The following NDE1 variants were observed in gnomAD, a reference collection of about 807,000 sequenced individuals.
The protein encoded by NDE1 is nudE neurodevelopment protein 1.
Under a neutral mutation model 43.4 loss-of-function variants are expected in NDE1, and 28 were observed. That is an observed-to-expected ratio of 0.65 (90% confidence interval 0.48 to 0.89). The LOEUF (loss-of-function observed/expected upper bound fraction) is 0.89, where lower values mean the gene tolerates loss of function less well. Among genes scored for constraint, NDE1 ranks in the 40% least tolerant of loss-of-function variants. NDE1 has a pLI of 0.00. For synonymous variants in NDE1, 184 were observed against 172.0 expected, an observed-to-expected ratio of 1.07 and a Z score of -0.55; for missense variants, 441 against 434.1, an observed-to-expected ratio of 1.02 and a Z score of -0.14.
At chr16:15,646,303 G>A (rs560930587), upstream of NDE1, among the ~76,000 whole-genome samples, 5 of 152,320 alleles carry the variant, frequency 3.3e-5, no homozygotes, top group Admixed American at 6.5e-5. Flanking sequence ...GGGGCCAGGC[G>A]CAGTGGCTCA....
intron 1 of NDE1, among the ~76,000 whole-genome samples, chr16:15,656,070 G>A (rs1291404387): frequency 1.3e-5 from 2 of 151,260 alleles, no homozygotes; most frequent in African/African-American, 4.9e-5. Context: ...CATGGCACAT[G>A]TATACATATG....
At chr16:15,720,207 C>T (rs1400392287) in intron 8 of NDE1, 3 of 1,613,978 alleles carry the variant, frequency 1.9e-6, no homozygotes, top group Non-Finnish European at 1.7e-6. Flanking sequence ...GCAGAGTCGG[C>T]CTGAAGCTCC....
chr16:15,704,619 G>A (rs147372492), intron 8 of NDE1, among the ~76,000 whole-genome samples: 18 of 152,302 alleles, frequency 1.2e-4, no homozygotes, highest in African/African-American at 4.3e-4. Flanking sequence ...ATTTGAATTG[G>A]AAGAAGGTGA....
chr16:15,723,598 A>C (rs2040595239), intron 8 of NDE1, among the ~76,000 whole-genome samples: 1 of 152,188 alleles, frequency 6.6e-6, no homozygotes, highest in African/African-American at 2.4e-5. Flanking sequence ...GGGAGCTGAG[A>C]TCACACCACT....
intron 5 of NDE1, among the ~76,000 whole-genome samples, chr16:15,688,726 T>A (rs1413544450): frequency 9.6e-6 from 1 of 103,680 alleles, no homozygotes; most frequent in Non-Finnish European, 2.0e-5. Flanking sequence ...TGAGATGGCG[T>A]CTTGCTCTGT....
chr16:15,667,211 A>G, intron 2 of NDE1, 75 bp from the exon 3 acceptor site: 1 of 1,542,880 alleles, frequency 6.5e-7, no homozygotes, highest in South Asian at 1.1e-5. Flanking sequence ...GCAGCACTGC[A>G]TTGCAGCCTG....
chr16:15,660,028 C>G (rs979516659), intron 1 of NDE1, among the ~76,000 whole-genome samples: 1 of 152,094 alleles, frequency 6.6e-6, no homozygotes, highest in East Asian at 1.9e-4. Flanking sequence ...ATTACAGATG[C>G]GAGCCACTGA....
chr16:15,673,085 C>T (rs1383939953), intron 3 of NDE1, among the ~76,000 whole-genome samples: 2 of 152,200 alleles, frequency 1.3e-5, no homozygotes, highest in East Asian at 1.9e-4. Flanking sequence ...TTTCTAGCAA[C>T]GGCTTTGTTT....
intron 8 of NDE1, among the ~76,000 whole-genome samples, chr16:15,707,100 G>A (rs1434622706): frequency 2.0e-5 from 3 of 152,050 alleles, no homozygotes; most frequent in East Asian, 1.9e-4. Flanking sequence ...GTGCAGTGGC[G>A]TGATCTTGGC....
At chr16:15,667,651 G>A (rs1475832561) in intron 3 of NDE1, among the ~76,000 whole-genome samples, 1 of 93,802 alleles carries the variant, frequency 1.1e-5, no homozygotes, top group Non-Finnish European at 2.2e-5. Context: ...TTTTTTTTGA[G>A]ATGGAGTTTC....
At chr16:15,714,833 G>A in intron 8 of NDE1, 1 of 1,572,276 alleles carries the variant, frequency 6.4e-7, no homozygotes, top group Admixed American at 1.7e-5. Flanking sequence ...GCATTTGCAG[G>A]CCGAAAGGAG....
chr16:15,666,352 C>G (rs1043700149), intron 2 of NDE1, among the ~76,000 whole-genome samples: 1 of 152,030 alleles, frequency 6.6e-6, no homozygotes, highest in Non-Finnish European at 1.5e-5. Context: ...GGCACAGTGG[C>G]TCACATCTGT....
In NDE1 at chr16:15,669,930, G is replaced by A. The variant is rs1487486396; in HGVS notation, c.237+2491G>A. ...TATCTGGAGACCCAGTGCTCTGCAAGGTAAAAACCATCCCTTCTGTACATG... is the reference window on the plus strand; with the variant it reads ...TATCTGGAGACCCAGTGCTCTGCAAAGTAAAAACCATCCCTTCTGTACATG... On this transcript the variant is annotated intron_variant, in intron 3 of 8. Transcript: ENST00000396354. Among the ~76,000 whole-genome samples, 3 of 152,212 alleles carry A rather than the reference G, an allele frequency of 2.0e-5. No individual in the cohort carries two copies. In the East Asian group the frequency reaches 5.8e-4, roughly 29 times the overall value.
At chr16:15,673,007 T>C (rs2037677722) in intron 3 of NDE1, among the ~76,000 whole-genome samples, 1 of 152,212 alleles carries the variant, frequency 6.6e-6, no homozygotes, top group South Asian at 2.1e-4. Flanking sequence ...TGGAGTCTTC[T>C]TGCACAATGG....
intron 8 of NDE1, chr16:15,714,744 C>T (rs1384692342): frequency 1.1e-6 from 1 of 898,554 alleles, no homozygotes; most frequent in Non-Finnish European, 1.8e-6. Flanking sequence ...GATCTCAGTG[C>T]CTGGCCCACA....
chr16:15,667,287 G>A lies in NDE1; in HGVS notation c.85G>A (p.Ala29Thr). 1 of 1,614,080 alleles carries A rather than the reference G, an allele frequency of 6.2e-7. No individual in the cohort carries two copies. The highest frequency in any genetic ancestry group is 8.5e-7 in the Non-Finnish European group (1 of 1,180,012). Residue 29 changes from alanine (A) to threonine (T), a missense_variant and splice_region_variant, in exon 3 of 9, where the codon GCA becomes ACA. Coordinates refer to ENST00000396354, the MANE Select transcript of NDE1 (RefSeq NM_017668.3). ...TGATGATTAACAATTTTGCTGTAGG[G>A]CAGAAAATACGCAAGAGGAACTCCG... ...KDLAMTYKQR[A>T]ENTQEELREF...
rs2037356097 is a variant in NDE1 at position 15,667,321 on chromosome 16, A to G, written c.119A>G (p.Gln40Arg). Residue 40 changes from glutamine to arginine, a missense_variant, in exon 3 of 9, where the codon CAG becomes CGG. Physicochemically the swap from Gln to Arg is conservative, Grantham distance 43. Coordinates refer to ENST00000396354, the MANE Select transcript of NDE1 (RefSeq NM_017668.3). Reference sequence around the variant, plus strand: ...ACGCAAGAGGAACTCCGAGAATTCCAGGAGGGAAGCCGAGAATATGAAGCT... The same window carrying G: ...ACGCAAGAGGAACTCCGAGAATTCCGGGAGGGAAGCCGAGAATATGAAGCT... ...ENTQEELREF[Q>R]EGSREYEAEL... is the part of the protein sequence containing the mutation. 1 of 1,614,202 alleles carries G rather than the reference A, an allele frequency of 6.2e-7. No homozygotes were observed. Among genetic ancestry groups the G allele is most frequent in the Non-Finnish European group, 8.5e-7 (1 of 1,180,042 alleles).
intron 8 of NDE1, among the ~76,000 whole-genome samples, chr16:15,716,483 A>C (rs1239691731): frequency 6.6e-6 from 1 of 152,018 alleles, no homozygotes; most frequent in South Asian, 2.1e-4. Context: ...TGTGTACCAA[A>C]TGGGCTGCCG....
chr16:15,696,374 T>G (rs1407572676), intron 7 of NDE1, among the ~76,000 whole-genome samples: 1 of 125,446 alleles, frequency 8.0e-6, no homozygotes, highest in African/African-American at 2.7e-5. Context: ...TCTAAAAAAG[T>G]AAAAAACAAA....
Sources: gnomAD v4.1 joint callset for allele counts (sites outside exome capture counted in the v4.1 genomes callset) on GRCh38, gnomAD v4.1.1 for gene constraint, MANE v1.5 for transcripts, NCBI Gene and HGNC (gene_info 2026-07-23, HGNC 2026-07-21) for gene names.